The following ABRAXAS2 variants were observed in gnomAD, a reference collection of about 807,000 sequenced individuals.
The protein encoded by ABRAXAS2 is BRISC complex subunit Abraxas 2.
ABRAXAS2 carries 23 observed loss-of-function variants against 49.0 expected under a neutral mutation model. The observed-to-expected ratio is 0.47, with a 90% CI of 0.34 to 0.66. The LOEUF is 0.66. Ranked by LOEUF, ABRAXAS2 falls within the 30% of genes least tolerant of loss-of-function variation. The pLI is 0.01. For missense variants in ABRAXAS2, 443 were observed against 511.9 expected (o/e 0.87, Z 1.30); for synonymous variants, 168 against 180.2 (o/e 0.93, Z 0.54).
chr10:124,831,840 G>GTATTTTTTTTTTTTTTTTT (rs1564925948), intron 8 of ABRAXAS2, among the ~76,000 whole-genome samples: 3 of 106,208 alleles, frequency 2.8e-5, no homozygotes, highest in Non-Finnish European at 1.8e-5. Flanking sequence ...ACTGTGTCCT[G>GTATTTTTTTTTTTTTTTTT]TCTTTTTTTT....
At chr10:124,806,015 G>C (rs1237614032) in intron 1 of ABRAXAS2, among the ~76,000 whole-genome samples, 1 of 152,034 alleles carries the variant, frequency 6.6e-6, no homozygotes, top group Non-Finnish European at 1.5e-5. Context: ...AAAGAAAAAG[G>C]TTCGGCTGGG....
At chr10:124,824,713 A>G (rs1950886490) in intron 4 of ABRAXAS2, among the ~76,000 whole-genome samples, 1 of 152,138 alleles carries the variant, frequency 6.6e-6, no homozygotes, top group Admixed American at 6.6e-5. Flanking sequence ...TCTTTGCAGG[A>G]AGGCAGGGGA....
intron 4 of ABRAXAS2, among the ~76,000 whole-genome samples, chr10:124,822,216 C>G (rs1950866106): frequency 6.6e-6 from 1 of 152,086 alleles, no homozygotes; most frequent in Admixed American, 6.6e-5. Flanking sequence ...ATGAAGCAGT[C>G]CTTACAAAGA....
At chr10:124,831,581 T>A in intron 8 of ABRAXAS2, 118 bp downstream of exon 8, 1 of 572,246 alleles carries the variant, frequency 1.7e-6, no homozygotes, top group Non-Finnish European at 3.0e-6. Flanking sequence ...CAGATTAGCC[T>A]GGCTGGGGCA....
chr10:124,808,905 C>T (rs1486186438), intron 2 of ABRAXAS2, among the ~76,000 whole-genome samples: 3 of 151,966 alleles, frequency 2.0e-5, no homozygotes, highest in Non-Finnish European at 2.9e-5. Flanking sequence ...CCAAGTTGGG[C>T]GGATCGCCCG....
chr10:124,830,010 C>T (rs1950920884), intron 7 of ABRAXAS2, among the ~76,000 whole-genome samples: 1 of 152,166 alleles, frequency 6.6e-6, no homozygotes, highest in Non-Finnish European at 1.5e-5. Context: ...ACATTCTTTT[C>T]GTCATCCCCG....
intron 1 of ABRAXAS2, 76 bp downstream of exon 1, chr10:124,801,977 G>C: frequency 1.4e-6 from 2 of 1,473,202 alleles, no homozygotes; most frequent in South Asian, 1.2e-5. Context: ...CGGCCAAGCC[G>C]GGACCTCATG....
chr10:124,813,433 C>T (rs1036737882), intron 2 of ABRAXAS2, among the ~76,000 whole-genome samples: 21 of 152,066 alleles, frequency 1.4e-4, no homozygotes, highest in African/African-American at 4.3e-4. Flanking sequence ...TCAACGCACC[C>T]AACAGAAAGA....
intron 2 of ABRAXAS2, among the ~76,000 whole-genome samples, chr10:124,814,015 G>A (rs569205472): frequency 1.3e-5 from 2 of 152,188 alleles, no homozygotes; most frequent in East Asian, 1.9e-4. Flanking sequence ...TTTTGAGATC[G>A]AGTTTCACTT....
In ABRAXAS2 at chr10:124,835,267, T is replaced by C. The variant is rs1589813082; in HGVS notation, c.*296T>C. 4.2e-6 allele frequency: 1 copy of C among 235,342 alleles called. No homozygotes were observed. Among genetic ancestry groups the C allele is most frequent in the East Asian group, 8.7e-5 (1 of 11,484 alleles). 14.6% of individuals were successfully genotyped at this position (235,342 alleles called of 1,614,324 possible). Reference sequence around the variant, plus strand: ...AAACTTATCAGCGTAGTTTCTGTTCTTTAAAATAAATTGGAAATTAGAGAC... The same window carrying C: ...AAACTTATCAGCGTAGTTTCTGTTCCTTAAAATAAATTGGAAATTAGAGAC... On this transcript the variant is annotated 3_prime_UTR_variant, in exon 9 of 9. Transcript: ENST00000298492.
In ABRAXAS2 at chr10:124,801,847, G is replaced by C. The variant is rs1305781241; in HGVS notation, c.18G>C (p.Ser6=). 6.2e-7 allele frequency: 1 copy of C among 1,613,382 alleles called. No individual in the cohort carries two copies. Among genetic ancestry groups the C allele is most frequent in the East Asian group, 2.2e-5 (1 of 44,778 alleles). Residue 6 remains serine, a synonymous_variant, in exon 1 of 9, where the codon TCG becomes TCC. Transcript: ENST00000298492. MAASI[S]GYTFSAVCFH... ...TTTCCATCATGGCGGCGTCCATTTCGGGCTACACCTTCAGTGCTGTGTGTT... is the reference window on the plus strand; with the variant it reads ...TTTCCATCATGGCGGCGTCCATTTCCGGCTACACCTTCAGTGCTGTGTGTT...
At chr10:124,818,187 G>A (rs1950837194) in intron 3 of ABRAXAS2, among the ~76,000 whole-genome samples, 1 of 152,080 alleles carries the variant, frequency 6.6e-6, no homozygotes, top group Non-Finnish European at 1.5e-5. Flanking sequence ...ATGAGGTCAG[G>A]AGATCGAGAC....
chr10:124,832,714 G>A (rs183271795), intron 8 of ABRAXAS2, among the ~76,000 whole-genome samples: 19 of 151,722 alleles, frequency 1.3e-4, no homozygotes, highest in South Asian at 4.2e-4. Flanking sequence ...TCATGGTGGC[G>A]TGCACCTGTA....
In ABRAXAS2 at chr10:124,820,589, C is replaced by T. The variant is rs371464155; in HGVS notation, c.267+1139C>T. On this transcript the variant is annotated intron_variant, in intron 4 of 8. Transcript: ENST00000298492. ...CTCCACCTCCCAGGTTCAAGCAGTT[C>T]TTCTGCCTCAGCCTCCTGAGTAGCT... 5.0e-3 allele frequency among the ~76,000 whole-genome samples: 757 copies of T among 152,136 alleles called. 8 individuals are homozygous for T. Among genetic ancestry groups the T allele is most frequent in the African/African-American group, 0.017 (706 of 41,470 alleles).
chr10:124,817,191 T>C (rs772113417), intron 3 of ABRAXAS2, among the ~76,000 whole-genome samples: 1 of 152,130 alleles, frequency 6.6e-6, no homozygotes, highest in Non-Finnish European at 1.5e-5. Context: ...ATTTGAGAGA[T>C]TGACCAAGGG....
chr10:124,802,939 C>T (rs956769946), intron 1 of ABRAXAS2, among the ~76,000 whole-genome samples: 2 of 152,120 alleles, frequency 1.3e-5, no homozygotes, highest in Non-Finnish European at 2.9e-5. Flanking sequence ...AATTATTGTA[C>T]CTTTCATCTC....
At chr10:124,825,761 T>C (rs912777370) in intron 4 of ABRAXAS2, among the ~76,000 whole-genome samples, 3 of 152,350 alleles carry the variant, frequency 2.0e-5, no homozygotes, top group African/African-American at 7.2e-5. Context: ...GAATTAAATG[T>C]TTTGAAAACA....
At chr10:124,830,373 G>T (rs897872468) in intron 7 of ABRAXAS2, among the ~76,000 whole-genome samples, 1 of 152,148 alleles carries the variant, frequency 6.6e-6, no homozygotes, top group African/African-American at 2.4e-5. Context: ...TTGAGTACAG[G>T]AGGTCAAAGC....
At chr10:124,815,488 C>G (rs933334664) in intron 2 of ABRAXAS2, among the ~76,000 whole-genome samples, 1 of 152,190 alleles carries the variant, frequency 6.6e-6, no homozygotes, top group African/African-American at 2.4e-5. Context: ...GCCACTGCGC[C>G]CGGCCTGTGG....
Sources: gnomAD v4.1 joint callset for allele counts (sites outside exome capture counted in the v4.1 genomes callset) on GRCh38, gnomAD v4.1.1 for gene constraint, MANE v1.5 for transcripts, NCBI Gene and HGNC (gene_info 2026-07-23, HGNC 2026-07-21) for gene names.